Variants in DMXL1 observed in about 807,000 individuals in gnomAD.
The protein encoded by DMXL1 is Dmx like 1, also known as dmX-like protein 1.
Under a neutral mutation model 319.2 loss-of-function variants are expected in DMXL1, and 99 were observed. The observed-to-expected ratio is 0.31, with a 90% CI of 0.26 to 0.37. DMXL1 has a LOEUF of 0.37. Ranked by LOEUF, DMXL1 falls within the 10% of genes least tolerant of loss-of-function variation. The pLI, the probability that DMXL1 is intolerant of heterozygous loss-of-function variation, is 1.00. For synonymous variants in DMXL1, 1,385 were observed against 1,235.2 expected (o/e 1.12, Z -2.54); for missense variants, 3,745 against 3,595.6 (o/e 1.04, Z -1.06).
At chr5:119,097,417 A>G (rs1463486052) in intron 1 of DMXL1, among the ~76,000 whole-genome samples, 1 of 152,170 alleles carries the variant, frequency 6.6e-6, no homozygotes, top group East Asian at 1.9e-4. Context: ...GGTAGCATTC[A>G]CTGGAGATGA....
intron 1 of DMXL1, among the ~76,000 whole-genome samples, chr5:119,090,171 C>T (rs1379905679): frequency 6.6e-6 from 1 of 150,890 alleles, no homozygotes; most frequent in African/African-American, 2.4e-5. Context: ...TAGGCGCCCA[C>T]CACCCCACCC....
chr5:119,210,757 G>GTTTTTTTTTTTTTTTTTTTTTGT, intron 34 of DMXL1, among the ~76,000 whole-genome samples: 3 of 89,776 alleles, frequency 3.3e-5, no homozygotes, highest in Non-Finnish European at 6.3e-5. Flanking sequence ...TTTTTCTTTC[G>GTTTTTTTTTTTTTTTTTTTTTGT]TTTTTTTTTT....
Position 119,149,363 on chromosome 5 carries a change from A to C in DMXL1, c.3536A>C (p.Glu1179Ala), listed in dbSNP as rs1769268032. The C allele has an allele frequency of 6.2e-7, 1 of 1,613,864 alleles. No homozygotes were observed. The highest frequency in any genetic ancestry group is 8.5e-7 in the Non-Finnish European group (1 of 1,179,900). The change falls in exon 18 of 44, where the codon GAA (glutamate) becomes GCA (alanine). Residue 1179 changes from glutamate to alanine, a missense_variant. Transcript: ENST00000539542. Reference sequence around the variant, plus strand: ...AAGGTACAAGACCAAACTGGTAAGGAAACCCTGGCATTTCCTCTCTGGGAG... The same window carrying C: ...AAGGTACAAGACCAAACTGGTAAGGCAACCCTGGCATTTCCTCTCTGGGAG... The part of the protein sequence containing the change: ...AGKVQDQTGK[E>A]TLAFPLWEST...
In DMXL1 at chr5:119,133,222, C is replaced by T. The variant is rs866150802; in HGVS notation, c.1406C>T (p.Ser469Leu). The change falls in exon 11 of 44, where the codon TCA becomes TTA. Residue 469 changes from serine to leucine, a missense_variant. This residue lies in a region of DMXL1 where 2,096 missense variants were observed against 1,985.4 expected (regional missense o/e 1.06). Transcript: ENST00000539542. ...DKMVPNSSFTSLSSAAIDHQI... is the reference protein window; with the variant it reads ...DKMVPNSSFTLLSSAAIDHQI... ...ATGGTACCAAACTCAAGTTTTACAT[C>T]ATTATCGTCAGCTGCCATTGATCAT... The T allele has an allele frequency of 6.2e-7, 1 of 1,614,160 alleles. No individual in the cohort carries two copies. The highest frequency in any genetic ancestry group is 2.2e-5 in the East Asian group (1 of 44,874).
rs114211651 is a variant in DMXL1, at chr5:119,162,824, A to G, written c.4703-1683A>G. ...TTTGATTTAGAATAATAGTCCATTC[A>G]CAATGTAGGGTTTTTTTGTTTTGTT... On this transcript the variant is annotated intron_variant, in intron 19 of 43. Coordinates refer to ENST00000539542, the MANE Select transcript of DMXL1 (RefSeq NM_001290321.3). Among the ~76,000 whole-genome samples, 821 of 152,336 alleles carry G rather than the reference A, an allele frequency of 5.4e-3. 3 individuals carry two copies. The highest frequency in any genetic ancestry group is 0.019 in the African/African-American group (792 of 41,584).
At chr5:119,214,849 G>C (rs144856029) in intron 34 of DMXL1, among the ~76,000 whole-genome samples, 1 of 152,068 alleles carries the variant, frequency 6.6e-6, no homozygotes, top group South Asian at 2.1e-4. Flanking sequence ...TGTAAAGTTC[G>C]AAAAAGCTCC....
chr5:119,083,780 C>T (rs556678079), intron 1 of DMXL1, among the ~76,000 whole-genome samples: 128 of 152,180 alleles, frequency 8.4e-4, no homozygotes, highest in African/African-American at 2.7e-3. Context: ...TCAGGTGATC[C>T]GCCTGCCTTG....
chr5:119,198,923 A>G (rs892328011), intron 32 of DMXL1, among the ~76,000 whole-genome samples: 1 of 152,058 alleles, frequency 6.6e-6, no homozygotes, highest in Admixed American at 6.5e-5. Flanking sequence ...GTCTTGCTCT[A>G]TTAATCAGGC....
chr5:119,140,143 G>A (rs1766981643), intron 13 of DMXL1, among the ~76,000 whole-genome samples: 1 of 152,110 alleles, frequency 6.6e-6, no homozygotes, highest in South Asian at 2.1e-4. Flanking sequence ...GAAATTTATA[G>A]TACTAAATGC....
chr5:119,102,963 A>G (rs923064585), intron 3 of DMXL1, among the ~76,000 whole-genome samples: 2 of 152,108 alleles, frequency 1.3e-5, no homozygotes, highest in East Asian at 3.8e-4. Flanking sequence ...AGAAAAGATA[A>G]CTATTGGGTA....
At chr5:119,224,659 T>C (rs759978718) in intron 37 of DMXL1, 50 bp from the exon 38 acceptor site, 31 of 663,668 alleles carry the variant, frequency 4.7e-5, no homozygotes, top group Non-Finnish European at 7.5e-5. Flanking sequence ...ACAATTTAAA[T>C]GTTTAATCCT....
At position 119,071,504 on chromosome 5, in the gene DMXL1, G is replaced by A. The variant is rs1749548166; in HGVS notation, c.-66G>A. On this transcript the variant is annotated 5_prime_UTR_variant, in exon 1 of 44. Coordinates refer to ENST00000539542, the MANE Select transcript of DMXL1 (RefSeq NM_001290321.3). ...CCGCCGCCCCTGAGGGAAGGAGGGA[G>A]GGAAGCAGCCGCTGACCCGTGGCAT... The A allele has an allele frequency of 8.8e-6, 13 of 1,485,566 alleles. 1 individual carries two copies. In the South Asian group the frequency reaches 1.4e-4, roughly 17 times the overall value. 92.0% of individuals were successfully genotyped at this position (1,485,566 alleles called of 1,614,324 possible).
chr5:119,185,412 C>G (rs1777536802), intron 28 of DMXL1, among the ~76,000 whole-genome samples: 1 of 152,134 alleles, frequency 6.6e-6, no homozygotes, highest in African/African-American at 2.4e-5. Flanking sequence ...GAGCCATGTT[C>G]AAGATACGGT....
intron 29 of DMXL1, among the ~76,000 whole-genome samples, chr5:119,191,830 G>C (rs1255705633): frequency 2.0e-5 from 3 of 152,150 alleles, no homozygotes; most frequent in Non-Finnish European, 4.4e-5. Context: ...CAGAGATTGG[G>C]GTGGGATGGG....
intron 23 of DMXL1, among the ~76,000 whole-genome samples, chr5:119,168,655 C>T (rs939032854): frequency 6.6e-6 from 1 of 152,044 alleles, no homozygotes; most frequent in Non-Finnish European, 1.5e-5. Context: ...TCAAACTAGC[C>T]TCTATGTAAT....
intron 34 of DMXL1, among the ~76,000 whole-genome samples, chr5:119,212,293 A>G (rs749117924): frequency 3.3e-5 from 5 of 152,162 alleles, no homozygotes; most frequent in Non-Finnish European, 5.9e-5. Flanking sequence ...CCTCATGTAA[A>G]TGGAATTGTA....
At chr5:119,115,979 C>T (rs1760751588) in intron 6 of DMXL1, among the ~76,000 whole-genome samples, 179 bp from the exon 7 acceptor site, 1 of 152,122 alleles carries the variant, frequency 6.6e-6, no homozygotes, top group Non-Finnish European at 1.5e-5. Context: ...TTTTAAAGCA[C>T]AGTTAGGCAA....
chr5:119,077,486 T>G (rs923842789), intron 1 of DMXL1, among the ~76,000 whole-genome samples: 3 of 141,690 alleles, frequency 2.1e-5, no homozygotes, highest in African/African-American at 7.8e-5. Flanking sequence ...TAGGTTTTTT[T>G]TTTTTTTTTT....
intron 21 of DMXL1, 141 bp from the exon 22 acceptor site, chr5:119,166,475 G>T: frequency 1.5e-6 from 1 of 645,796 alleles, no homozygotes. Context: ...TTTTTACTGG[G>T]AAAAGAAGCA....
Sources: allele counts gnomAD v4.1 joint callset (sites outside exome capture counted in the v4.1 genomes callset), GRCh38; gene constraint gnomAD v4.1.1; regional missense constraint gnomAD v4.1.1; transcripts MANE v1.5; gene names NCBI Gene and HGNC (gene_info 2026-07-23, HGNC 2026-07-21).